The following ATP6V0A1 variants were observed in gnomAD, a reference collection of about 807,000 sequenced individuals.
The protein encoded by ATP6V0A1 is ATPase H+ transporting V0 subunit a1, also known as V-type proton ATPase 116 kDa subunit a 1.
A neutral mutation model predicts 105.4 loss-of-function variants in ATP6V0A1; 43 were observed. The observed-to-expected ratio is 0.41, with a 90% CI of 0.32 to 0.53. ATP6V0A1 has a LOEUF of 0.53. ATP6V0A1 is among the 20% of genes least tolerant of loss of function. The pLI, the probability that ATP6V0A1 is intolerant of heterozygous loss-of-function variation, is 0.30. For synonymous variants in ATP6V0A1, 362 were observed against 372.8 expected (o/e 0.97, Z 0.33); for missense variants, 676 against 1,051.1 (o/e 0.64, Z 4.93).
chr17:42,512,435 G>A (rs1327151151), intron 19 of ATP6V0A1, among the ~76,000 whole-genome samples: 2 of 152,176 alleles, frequency 1.3e-5, no homozygotes, highest in Non-Finnish European at 2.9e-5. Flanking sequence ...CTCTCAATGC[G>A]GGCCCTGGGG....
chr17:42,510,077 T>C (rs747770721), intron 19 of ATP6V0A1: 1 of 152,234 alleles, frequency 6.6e-6, no homozygotes, highest in Non-Finnish European at 1.5e-5. Context: ...TCCAGCCCAG[T>C]GGAAGCATTA....
At chr17:42,514,094 C>T (rs1266633995) in intron 20 of ATP6V0A1, 116 bp downstream of exon 20, 45 of 1,349,276 alleles carry the variant, frequency 3.3e-5, no homozygotes, top group Non-Finnish European at 4.4e-5. Flanking sequence ...TATTCAGGTT[C>T]CTGAACCCAA....
chr17:42,458,910 G>C lies in ATP6V0A1; in HGVS notation c.-101G>C, dbSNP rs904814895. 1 of 153,636 alleles carries C rather than the reference G, an allele frequency of 6.5e-6. No individual in the cohort carries two copies. Among genetic ancestry groups the C allele is most frequent in the African/African-American group, 2.4e-5 (1 of 41,606 alleles). 9.5% of individuals were successfully genotyped at this position (153,636 alleles called of 1,614,324 possible). On this transcript the variant is annotated 5_prime_UTR_variant, in exon 1 of 22. Transcript: ENST00000343619. Reference sequence around the variant, plus strand: ...AGCGCTGCTCCTGGAGCCGCGGAGGGTGCGGGTTTGGCTGCGGTGGTTTCT... The same window carrying C: ...AGCGCTGCTCCTGGAGCCGCGGAGGCTGCGGGTTTGGCTGCGGTGGTTTCT...
Position 42,461,060 on chromosome 17 carries a change from A to G in ATP6V0A1, c.117+49A>G, listed in dbSNP as rs762790166. 2.1e-5 allele frequency: 31 copies of G among 1,489,862 alleles called. No individual in the cohort carries two copies. In the East Asian group the frequency reaches 5.0e-4, roughly 24 times the overall value. The allele number at this position is 1,489,862 out of a possible 1,614,324, so 92.3% of individuals were successfully genotyped here. ...TTGATTACTGCTGAACTCTATTGCT[A>G]TCGTGGTCAGATGCCTTATGATGAA... On this transcript the variant is annotated intron_variant, in intron 2 of 21. Coordinates refer to ENST00000343619, the MANE Select transcript of ATP6V0A1 (RefSeq NM_001130021.3).
At chr17:42,470,281 A>G in intron 5 of ATP6V0A1, 63 bp downstream of exon 5, 1 of 1,564,118 alleles carries the variant, frequency 6.4e-7, no homozygotes, top group Non-Finnish European at 8.7e-7. Flanking sequence ...AGTGGGCCAT[A>G]TTTTTATTCC....
intron 9 of ATP6V0A1, 24 bp downstream of exon 9, chr17:42,483,155 TTG>T (rs1299300234): frequency 6.9e-7 from 1 of 1,456,684 alleles, no homozygotes; most frequent in Non-Finnish European, 9.2e-7. Context: ...TGGAGGGAAT[TTG>T]TTTTTGTGAA....
intron 20 of ATP6V0A1, 149 bp from the exon 21 acceptor site, chr17:42,514,140 G>A: frequency 7.9e-7 from 1 of 1,271,776 alleles, no homozygotes; most frequent in Non-Finnish European, 1.1e-6. Context: ...CAGCACTTGT[G>A]CCAGGTTAGC....
intron 11 of ATP6V0A1, 97 bp downstream of exon 11, chr17:42,490,734 G>A: frequency 1.5e-6 from 2 of 1,347,450 alleles, no homozygotes; most frequent in East Asian, 2.4e-5. Flanking sequence ...TGTCACCCAG[G>A]CTGGAGTGCA....
At chr17:42,500,074 CAA>C (rs199733869) in intron 15 of ATP6V0A1, among the ~76,000 whole-genome samples, 15 of 61,060 alleles carry the variant, frequency 2.5e-4, no homozygotes, top group Non-Finnish European at 2.7e-4. Flanking sequence ...CCCATCTCTA[CAA>C]AAAAAAAAAA....
At chr17:42,467,941 T>G (rs769087853) in intron 3 of ATP6V0A1, 69 bp from the exon 4 acceptor site, 37 of 1,053,682 alleles carry the variant, frequency 3.5e-5, no homozygotes, top group Non-Finnish European at 4.9e-5. Flanking sequence ...ATGTTAATTC[T>G]TTTCCTTAAA....
intron 17 of ATP6V0A1, among the ~76,000 whole-genome samples, chr17:42,506,952 T>C (rs932491878): frequency 2.6e-5 from 4 of 152,228 alleles, no homozygotes; most frequent in Non-Finnish European, 2.9e-5. Flanking sequence ...CACAAGTGAA[T>C]GTACATTAAG....
At chr17:42,500,584 C>T in intron 15 of ATP6V0A1, 123 bp from the exon 16 acceptor site, 1 of 751,938 alleles carries the variant, frequency 1.3e-6, no homozygotes, top group Non-Finnish European at 2.2e-6. Context: ...GTTGCTGCTG[C>T]TTAAAGTGAT....
chr17:42,478,362 A>G (rs1391493259), intron 6 of ATP6V0A1, 101 bp from the exon 7 acceptor site: 1 of 836,074 alleles, frequency 1.2e-6, no homozygotes, highest in African/African-American at 1.9e-5. Flanking sequence ...AAGTATAATA[A>G]AAAAAGATAT....
At chr17:42,519,849 G>A (rs1205846052) in intron 21 of ATP6V0A1, 2 of 152,338 alleles carry the variant, frequency 1.3e-5, no homozygotes, top group Admixed American at 6.5e-5. Flanking sequence ...AGAAAATTCG[G>A]TTGCGCTCTT....
At chr17:42,463,215 C>G (rs2086651006) in intron 2 of ATP6V0A1, among the ~76,000 whole-genome samples, 1 of 151,356 alleles carries the variant, frequency 6.6e-6, no homozygotes, top group African/African-American at 2.4e-5. Flanking sequence ...CCATGTTGCC[C>G]AGGCTGGTCT....
chr17:42,477,036 T>C (rs2088841823), intron 5 of ATP6V0A1, among the ~76,000 whole-genome samples: 2 of 152,224 alleles, frequency 1.3e-5, no homozygotes, highest in Admixed American at 1.3e-4. Flanking sequence ...GTTCTCATAT[T>C]CTGAATTTTA....
intron 3 of ATP6V0A1, 107 bp downstream of exon 3, chr17:42,466,614 G>GA (rs2087099993): frequency 9.9e-7 from 1 of 1,010,860 alleles, no homozygotes; most frequent in Non-Finnish European, 1.5e-6. Context: ...AGAGAAAAGG[G>GA]AAAAATCTTG....
intron 9 of ATP6V0A1, among the ~76,000 whole-genome samples, chr17:42,485,501 A>C (rs2090014100): frequency 6.6e-6 from 1 of 152,162 alleles, no homozygotes; most frequent in Admixed American, 6.6e-5. Context: ...TAGTTTCTTT[A>C]GCATCCTTCT....
At chr17:42,476,941 G>A (rs2088830422) in intron 5 of ATP6V0A1, among the ~76,000 whole-genome samples, 1 of 152,174 alleles carries the variant, frequency 6.6e-6, no homozygotes, top group Non-Finnish European at 1.5e-5. Flanking sequence ...GGCCTGCCCA[G>A]CTATTGTGCT....
Sources: gnomAD v4.1 joint callset for allele counts (sites outside exome capture counted in the v4.1 genomes callset) on GRCh38, gnomAD v4.1.1 for gene constraint, MANE v1.5 for transcripts, NCBI Gene and HGNC (gene_info 2026-07-23, HGNC 2026-07-21) for gene names.